The following SV2C variants were observed in gnomAD, a reference collection of about 807,000 sequenced individuals.
The protein encoded by SV2C is synaptic vesicle glycoprotein 2C, also known as solute carrier family 22 member B3.
A neutral mutation model predicts 79.7 loss-of-function variants in SV2C; 49 were observed. That is an observed-to-expected ratio of 0.61 (90% CI 0.49 to 0.78). The LOEUF is 0.78. SV2C is among the 30% of genes least tolerant of loss of function. The pLI, the probability that SV2C is intolerant of heterozygous loss-of-function variation, is 0.00. For missense variants in SV2C, 833 were observed against 912.9 expected (o/e 0.91, Z 1.13); for synonymous variants, 334 against 333.2 (o/e 1.00, Z -0.03).
chr5:76,339,113 T>C (rs2112583633), intron 12 of SV2C, among the ~76,000 whole-genome samples: 1 of 152,096 alleles, frequency 6.6e-6, no homozygotes, highest in Non-Finnish European at 1.5e-5. Context: ...TTAAGAAAAA[T>C]AATACAAAAT....
chr5:76,204,507 G>C (rs939321989), intron 3 of SV2C, among the ~76,000 whole-genome samples: 5 of 152,134 alleles, frequency 3.3e-5, no homozygotes, highest in African/African-American at 9.7e-5. Flanking sequence ...CAGTGGAAAT[G>C]GGAAATGGAA....
intron 12 of SV2C, among the ~76,000 whole-genome samples, chr5:76,345,530 T>G (rs1434051662): frequency 6.6e-6 from 1 of 152,084 alleles, no homozygotes; most frequent in Non-Finnish European, 1.5e-5. Flanking sequence ...TAGGGAAGGC[T>G]CCCTAGACGA....
the SV2C span, among the ~76,000 whole-genome samples, chr5:75,969,024 C>T: frequency 6.6e-6 from 1 of 152,178 alleles, no homozygotes; most frequent in Non-Finnish European, 1.5e-5. Flanking sequence ...CAATATTCAA[C>T]ATTCTTAAAC....
At chr5:75,916,119 C>G in the SV2C span, among the ~76,000 whole-genome samples, 3,425 of 152,266 alleles carry the variant, frequency 0.022, 89 homozygotes, top group African/African-American at 0.063. Context: ...AGAATGAAAA[C>G]ACCTCCAGTC....
chr5:76,351,322 C>T (rs532302749), intron 12 of SV2C, among the ~76,000 whole-genome samples: 6 of 152,082 alleles, frequency 3.9e-5, no homozygotes, highest in Non-Finnish European at 5.9e-5. Flanking sequence ...GTGACGTGCA[C>T]CTGTAGACCT....
the SV2C span, among the ~76,000 whole-genome samples, chr5:75,968,455 A>C: frequency 6.6e-6 from 1 of 152,238 alleles, no homozygotes; most frequent in Admixed American, 6.5e-5. Context: ...GGACGACTAG[A>C]AAAACCAATG....
At chr5:76,309,463 C>T (rs1226992185) in intron 12 of SV2C, among the ~76,000 whole-genome samples, 2 of 151,670 alleles carry the variant, frequency 1.3e-5, no homozygotes. Flanking sequence ...AGCCAGGCAT[C>T]GTGGCTGGCG....
At chr5:75,879,061 C>T in the SV2C span, among the ~76,000 whole-genome samples, 3 of 152,078 alleles carry the variant, frequency 2.0e-5, no homozygotes, top group African/African-American at 7.2e-5. Context: ...GAACTCAGAA[C>T]GAGTTCTGTC....
At chr5:76,064,836 T>G in the SV2C span, among the ~76,000 whole-genome samples, 1 of 152,170 alleles carries the variant, frequency 6.6e-6, no homozygotes. Context: ...TTTTCTATTG[T>G]TAAAGTGATT....
the SV2C span, among the ~76,000 whole-genome samples, chr5:75,873,488 T>C: frequency 2.0e-5 from 3 of 152,184 alleles, no homozygotes; most frequent in Admixed American, 6.6e-5. Context: ...TAGCATATTC[T>C]TTCTGGACAT....
chr5:76,009,912 AAAAAT>A, the SV2C span, among the ~76,000 whole-genome samples: 3 of 152,214 alleles, frequency 2.0e-5, no homozygotes, highest in Non-Finnish European at 2.9e-5. Context: ...AATAAAAGTG[AAAAAT>A]AAAATAAAAG....
intron 1 of SV2C, among the ~76,000 whole-genome samples, chr5:76,130,548 A>G (rs1390504502): frequency 6.6e-6 from 1 of 152,188 alleles, no homozygotes; most frequent in Non-Finnish European, 1.5e-5. Flanking sequence ...GGAGTTAATG[A>G]TGGGGGAGAA....
chr5:76,188,193 A>C lies in SV2C; in HGVS notation c.581-6726A>C, dbSNP rs551429836. On this transcript the variant is annotated intron_variant, in intron 2 of 12. Transcript: ENST00000502798. ...GAAGGATCACTTGAACCTGGGAGAC[A>C]GAGGTTGCAGTGAGCTGAGATCATG... 2.0e-4 allele frequency among the ~76,000 whole-genome samples: 30 copies of C among 152,296 alleles called. No homozygotes were observed. The South Asian group carries it at 6.2e-3, about 32-fold the overall frequency.
chr5:75,887,740 A>G, the SV2C span, among the ~76,000 whole-genome samples: 6 of 152,000 alleles, frequency 3.9e-5, no homozygotes, highest in African/African-American at 1.5e-4. Context: ...AAAAATTCTG[A>G]AAAAGCAAAA....
chr5:76,012,413 A>C, the SV2C span, among the ~76,000 whole-genome samples: 1 of 152,190 alleles, frequency 6.6e-6, no homozygotes, highest in African/African-American at 2.4e-5. Flanking sequence ...TCTTCTTTTG[A>C]GAAGTGGCTG....
At chr5:76,090,415 T>C (rs1381574896) in intron 1 of SV2C, among the ~76,000 whole-genome samples, 3 of 152,188 alleles carry the variant, frequency 2.0e-5, no homozygotes, top group African/African-American at 4.8e-5. Context: ...GCCCTCTCCT[T>C]ACTCAGAGAA....
chr5:76,110,929 C>T (rs926459006), intron 1 of SV2C, among the ~76,000 whole-genome samples: 4 of 152,252 alleles, frequency 2.6e-5, no homozygotes, highest in Admixed American at 2.6e-4. Flanking sequence ...TTGCTAGAAC[C>T]GGCTCTGTGT....
intron 1 of SV2C, among the ~76,000 whole-genome samples, chr5:76,130,915 A>C (rs1748867242): frequency 6.6e-6 from 1 of 152,172 alleles, no homozygotes; most frequent in African/African-American, 2.4e-5. Flanking sequence ...CTGTCCCTGA[A>C]GGCCTGGGGG....
chr5:76,026,466 T>A, the SV2C span, among the ~76,000 whole-genome samples: 153 of 152,286 alleles, frequency 1.0e-3, no homozygotes, highest in Middle Eastern at 3.4e-3. Context: ...AGGCTCACAG[T>A]CTAATTGATG....
Sources: gnomAD v4.1 joint callset for allele counts (sites outside exome capture counted in the v4.1 genomes callset) on GRCh38, gnomAD v4.1.1 for gene constraint, MANE v1.5 for transcripts, NCBI Gene and HGNC (gene_info 2026-07-23, HGNC 2026-07-21) for gene names.